RGS7: variants seen among roughly 807,000 people sequenced by gnomAD.
RGS7 encodes regulator of G protein signaling 7, also known as regulator of G-protein signaling 7.
Under a neutral mutation model 81.1 loss-of-function variants are expected in RGS7, and 27 were observed. The ratio of observed to expected loss-of-function variants is 0.33; its 90% confidence interval spans 0.25 to 0.46. The LOEUF (loss-of-function observed/expected upper bound fraction) is 0.46. RGS7 is among the 20% of genes least tolerant of loss of function. The pLI is 1.00. For missense variants in RGS7, 396 were observed against 607.4 expected (o/e 0.65, Z 3.66); for synonymous variants, 208 against 207.7 (o/e 1.00, Z -0.01).
chr1:240,970,316 C>T (rs762061413), intron 4 of RGS7, among the ~76,000 whole-genome samples: 19 of 152,322 alleles, frequency 1.2e-4, no homozygotes, highest in Middle Eastern at 3.4e-3. Flanking sequence ...ATGAAAACTT[C>T]AACGTATGGC....
intron 2 of RGS7, among the ~76,000 whole-genome samples, chr1:241,299,820 TAAAA>T (rs10716646): frequency 7.0e-6 from 1 of 143,372 alleles, no homozygotes. Context: ...ATTAGGCCTT[TAAAA>T]AAAAAAAAAG....
chr1:240,998,380 CATT>C (rs962679629), intron 3 of RGS7: 2 of 536,300 alleles, frequency 3.7e-6, no homozygotes, highest in Non-Finnish European at 6.6e-6. Flanking sequence ...GTTTTTAAGC[CATT>C]ATTTCTTCAA....
intron 2 of RGS7, among the ~76,000 whole-genome samples, chr1:241,344,059 T>G (rs2082734611): frequency 6.6e-6 from 1 of 152,202 alleles, no homozygotes; most frequent in South Asian, 2.1e-4. Flanking sequence ...CTAAAAAAAT[T>G]TATATCCTAA....
rs576833654 is a variant in RGS7, at chr1:241,137,631, G to A, written c.79-38869C>T. Among the ~76,000 whole-genome samples the A allele has an allele frequency of 2.6e-5, 4 of 152,288 alleles. No homozygotes were observed. In the South Asian group the frequency reaches 6.2e-4, roughly 24 times the overall value. ...AGGCTCAATTCAGGATGCAGTATGT[G>A]CTGGAGCTGGCACACACCTGCTCAA... On this transcript the variant is annotated intron_variant, in intron 2 of 18. Transcript: ENST00000440928.
intron 2 of RGS7, among the ~76,000 whole-genome samples, chr1:241,214,283 A>G (rs1304639866): frequency 6.6e-6 from 1 of 152,006 alleles, no homozygotes; most frequent in Non-Finnish European, 1.5e-5. Context: ...ATTTTCTTTA[A>G]TATAGAATTC....
chr1:240,979,833 T>C (rs538208274), intron 4 of RGS7, among the ~76,000 whole-genome samples: 12 of 152,274 alleles, frequency 7.9e-5, no homozygotes, highest in Middle Eastern at 6.8e-3. Context: ...AGTGTGAAAT[T>C]CTGGAAGCAA....
intron 6 of RGS7, among the ~76,000 whole-genome samples, chr1:240,902,244 A>T (rs1670131605): frequency 6.6e-6 from 1 of 152,252 alleles, no homozygotes; most frequent in Admixed American, 6.5e-5. Context: ...TTGAGTTTAA[A>T]CTACAAAAAA....
chr1:241,309,697 G>T (rs1448482797), intron 2 of RGS7, among the ~76,000 whole-genome samples: 4 of 152,200 alleles, frequency 2.6e-5, no homozygotes, highest in Non-Finnish European at 4.4e-5. Flanking sequence ...GTTATACTTT[G>T]CAGTACCTTT....
chr1:241,326,519 C>T (rs553271060), intron 2 of RGS7, among the ~76,000 whole-genome samples: 2 of 152,224 alleles, frequency 1.3e-5, no homozygotes, highest in African/African-American at 4.8e-5. Context: ...TCTTTAAAAA[C>T]TGTGTTTAAT....
In RGS7 at chr1:240,868,004, AGAG is replaced by A. The variant is rs1663637704; in HGVS notation, c.609+580_609+582del. Among the ~76,000 whole-genome samples the A allele has an allele frequency of 7.7e-6, 1 of 130,486 alleles. No homozygotes were observed. The highest frequency in any genetic ancestry group is 1.8e-5 in the Non-Finnish European group (1 of 56,162). 85.6% of individuals were successfully genotyped at this position (130,486 alleles called of 152,430 possible). A position where few individuals can be genotyped will look rare whatever the true frequency, so the allele number is the denominator to read the frequency against. On this transcript the variant is annotated intron_variant, in intron 9 of 18. Coordinates refer to ENST00000440928, the MANE Select transcript of RGS7 (RefSeq NM_001364886.1). This position sits in a 1 kb window ranked among gnomAD's most constrained non-coding sequence, Gnocchi z 5.1. ...CCACAGAGCCAGATCCCATAAAAAA[AGAG>A]AGAGAGAGAAAGAAAGAAAAGAAAA...
chr1:240,869,445 T>G (rs1165646166), intron 7 of RGS7, among the ~76,000 whole-genome samples: 1 of 152,256 alleles, frequency 6.6e-6, no homozygotes, highest in Non-Finnish European at 1.5e-5. Context: ...CCTCAGAGTT[T>G]GGATATCTTC....
chr1:240,927,338 T>C (rs983860012), intron 6 of RGS7, among the ~76,000 whole-genome samples: 5 of 152,190 alleles, frequency 3.3e-5, no homozygotes, highest in Non-Finnish European at 7.4e-5. Flanking sequence ...GTGTTGGGAT[T>C]ACAGGCGTGA....
At chr1:241,103,211 A>G (rs1444331363) in intron 2 of RGS7, among the ~76,000 whole-genome samples, 2 of 152,184 alleles carry the variant, frequency 1.3e-5, no homozygotes, top group African/African-American at 4.8e-5. Context: ...ACGCATATAT[A>G]TGCATGTATA....
chr1:241,308,777 A>C (rs2080326540), intron 2 of RGS7, among the ~76,000 whole-genome samples: 1 of 152,266 alleles, frequency 6.6e-6, no homozygotes, highest in African/African-American at 2.4e-5. Context: ...CACAGAAAAG[A>C]CACTTGGTTC....
chr1:241,101,504 A>AAAAT (rs1464876608), intron 2 of RGS7, among the ~76,000 whole-genome samples: 22 of 152,226 alleles, frequency 1.4e-4, no homozygotes, highest in African/African-American at 4.6e-4. Flanking sequence ...TCAAAAACAA[A>AAAAT]AAATAAATAA....
intron 2 of RGS7, among the ~76,000 whole-genome samples, chr1:241,333,898 A>G (rs910042701): frequency 2.6e-5 from 4 of 151,954 alleles, no homozygotes; most frequent in Middle Eastern, 3.2e-3. Flanking sequence ...CCGTATGTTA[A>G]TAAGTTTCTG....
intron 2 of RGS7, among the ~76,000 whole-genome samples, chr1:241,349,340 A>G (rs948378884): frequency 6.6e-6 from 1 of 152,212 alleles, no homozygotes; most frequent in Non-Finnish European, 1.5e-5. Flanking sequence ...AAAGGACCAA[A>G]GAAGACTCTC....
At position 240,882,648 on chromosome 1, in the gene RGS7, T is replaced by G. The variant is rs140909523; in HGVS notation, c.386-12529A>C. Among the ~76,000 whole-genome samples, 10 of 152,220 alleles carry G rather than the reference T, an allele frequency of 6.6e-5. No individual in the cohort carries two copies. The East Asian group carries it at 1.9e-3, about 29-fold the overall frequency. On this transcript the variant is annotated intron_variant, in intron 6 of 18. Coordinates refer to ENST00000440928, the MANE Select transcript of RGS7 (RefSeq NM_001364886.1). The stretch of plus-strand genomic sequence containing the variant: ...GAGACAATTCCACTCTGGCTCTCAG[T>G]GCTGAAAAGGGAGAAATATGCTTCT...
At chr1:240,925,337 C>A (rs540228311) in intron 6 of RGS7, among the ~76,000 whole-genome samples, 4 of 152,162 alleles carry the variant, frequency 2.6e-5, no homozygotes, top group African/African-American at 9.6e-5. Flanking sequence ...CCCATGTATA[C>A]CCAATGTTTA....
Sources: gnomAD v4.1 joint callset for allele counts (sites outside exome capture counted in the v4.1 genomes callset) on GRCh38, gnomAD v4.1.1 for gene constraint, Gnocchi (gnomAD v3.1) non-coding constraint, MANE v1.5 for transcripts, NCBI Gene and HGNC (gene_info 2026-07-23, HGNC 2026-07-21) for gene names.